The following OR3A2 variants were observed in gnomAD, a reference collection of about 807,000 sequenced individuals.
OR3A2 encodes the protein olfactory receptor family 3 subfamily A member 2.
For missense variants in OR3A2, 318 were observed against 392.8 expected, an observed-to-expected ratio of 0.81 and a Z score of 1.61; for synonymous variants, 126 against 159.3, an observed-to-expected ratio of 0.79 and a Z score of 1.57.
At chr17:3,340,465 G>A (rs1040958735) in intron 2 of OR3A2, among the ~76,000 whole-genome samples, 2 of 152,116 alleles carry the variant, frequency 1.3e-5, no homozygotes, top group Non-Finnish European at 2.9e-5. Context: ...CTGGTACGTT[G>A]TGTCTTTGTT....
chr17:3,318,122 C>T (rs2049092238), intron 3 of OR3A2, among the ~76,000 whole-genome samples: 1 of 152,192 alleles, frequency 6.6e-6, no homozygotes, highest in South Asian at 2.1e-4. Context: ...ACAGCCAGGG[C>T]TAGGATTGGG....
intron 2 of OR3A2, among the ~76,000 whole-genome samples, chr17:3,337,418 TC>T (rs2049281605): frequency 6.6e-6 from 1 of 151,954 alleles, no homozygotes; most frequent in Non-Finnish European, 1.5e-5. Context: ...ATGTCATCCC[TC>T]CCCCATCCCC....
chr17:3,286,159 T>G (rs1410225188), upstream of OR3A2, among the ~76,000 whole-genome samples: 1 of 152,040 alleles, frequency 6.6e-6, no homozygotes, highest in African/African-American at 2.4e-5. Flanking sequence ...AGTGAGAACA[T>G]GTGGTGTTTG....
chr17:3,373,571 T>C (rs2049652713), intron 2 of OR3A2, among the ~76,000 whole-genome samples: 1 of 152,238 alleles, frequency 6.6e-6, no homozygotes, highest in Non-Finnish European at 1.5e-5. Flanking sequence ...TTTTAACTGC[T>C]GTTGCTTTAA....
intron 3 of OR3A2, among the ~76,000 whole-genome samples, chr17:3,329,157 T>A (rs1257486429): frequency 6.6e-6 from 1 of 151,938 alleles, no homozygotes; most frequent in Non-Finnish European, 1.5e-5. Context: ...ATCAAGGATA[T>A]TGGTCTAAAA....
At chr17:3,320,718 G>A (rs1195771886) in intron 3 of OR3A2, among the ~76,000 whole-genome samples, 11 of 152,060 alleles carry the variant, frequency 7.2e-5, no homozygotes, top group East Asian at 1.9e-4. Context: ...TGAGGGCTCT[G>A]TTCTGTTCCA....
intron 2 of OR3A2, among the ~76,000 whole-genome samples, chr17:3,361,681 TTTTTG>T (rs2049518109): frequency 6.6e-6 from 1 of 151,724 alleles, no homozygotes; most frequent in Non-Finnish European, 1.5e-5. Flanking sequence ...AATCATGTGG[TTTTTG>T]TTTTTTGTTC....
chr17:3,374,697 G>T (rs376865958), intron 2 of OR3A2, among the ~76,000 whole-genome samples: 36 of 152,216 alleles, frequency 2.4e-4, no homozygotes, highest in African/African-American at 7.7e-4. Flanking sequence ...GGTCCTTCAA[G>T]ATTTTATTTA....
At chr17:3,384,847 C>A (rs2049765346) in intron 1 of OR3A2, among the ~76,000 whole-genome samples, 1 of 151,926 alleles carries the variant, frequency 6.6e-6, no homozygotes, top group Non-Finnish European at 1.5e-5. Context: ...GCAACAAGAC[C>A]ATATGGACCA....
chr17:3,363,108 A>C (rs1169097278), intron 2 of OR3A2, among the ~76,000 whole-genome samples: 2 of 151,636 alleles, frequency 1.3e-5, no homozygotes, highest in Admixed American at 6.6e-5. Flanking sequence ...CACTGGAGAC[A>C]TTTTCCCCAT....
In OR3A2 at chr17:3,379,524, T is replaced by C. The variant is rs575946763; in HGVS notation, c.-179+4280A>G. 4.6e-5 allele frequency among the ~76,000 whole-genome samples: 7 copies of C among 152,260 alleles called. No individual in the cohort carries two copies. In the East Asian group the frequency reaches 1.4e-3, roughly 29 times the overall value. Reference sequence around the variant, plus strand: ...ACCTACTGTCCTGGAGCAAATCTGCTGGCAATTCCAGCCCTTCCTCTCCTC... The same window carrying C: ...ACCTACTGTCCTGGAGCAAATCTGCCGGCAATTCCAGCCCTTCCTCTCCTC... On this transcript the variant is annotated intron_variant, in intron 2 of 4. Transcript: ENST00000573491.
chr17:3,293,413 C>T (rs1187822813), intron 3 of OR3A2, among the ~76,000 whole-genome samples: 1 of 152,092 alleles, frequency 6.6e-6, no homozygotes, highest in Non-Finnish European at 1.5e-5. Context: ...TCATTACACA[C>T]AAATAAAAGC....
At chr17:3,325,203 A>AC (rs774127365) in intron 3 of OR3A2, among the ~76,000 whole-genome samples, 4 of 108,592 alleles carry the variant, frequency 3.7e-5, no homozygotes, top group African/African-American at 1.5e-4. Flanking sequence ...GATCCTTCCA[A>AC]TTTTTTTTTT....
chr17:3,280,069 A>T (rs2048767388), intron 1 of OR3A2, among the ~76,000 whole-genome samples: 1 of 152,164 alleles, frequency 6.6e-6, no homozygotes, highest in African/African-American at 2.4e-5. Flanking sequence ...TGTGTGTATT[A>T]TCTGCTATTC....
At chr17:3,312,459 C>A (rs528623227) in intron 3 of OR3A2, among the ~76,000 whole-genome samples, 2 of 152,222 alleles carry the variant, frequency 1.3e-5, no homozygotes, top group East Asian at 3.9e-4. Context: ...TCATCAAACA[C>A]CTGTTCCCAA....
In OR3A2 at chr17:3,311,084, C is replaced by T. The variant is rs756564882; in HGVS notation, c.-85+24949G>A. 1.5e-5 allele frequency: 8 copies of T among 543,888 alleles called. No homozygotes were observed. The highest frequency in any genetic ancestry group is 2.8e-5 in the South Asian group (2 of 72,518). 33.7% of individuals were successfully genotyped at this position (543,888 alleles called of 1,614,324 possible). A position where few individuals can be genotyped will look rare whatever the true frequency, so the allele number is the denominator to read the frequency against. Reference sequence around the variant, plus strand: ...TGGTGGGCATCTTCTATGGGACGGGCGTCTTCAGCTACACAAGGCTGGGTT... The same window carrying T: ...TGGTGGGCATCTTCTATGGGACGGGTGTCTTCAGCTACACAAGGCTGGGTT... On this transcript the variant is annotated intron_variant, in intron 3 of 4. Transcript: ENST00000573491. This position sits in a 1 kb window ranked among gnomAD's most constrained non-coding sequence, Gnocchi z 4.6.
chr17:3,356,191 ACT>A (rs1327917716), intron 2 of OR3A2, among the ~76,000 whole-genome samples: 6 of 151,378 alleles, frequency 4.0e-5, no homozygotes, highest in Non-Finnish European at 5.9e-5. Flanking sequence ...GTCTTATTGC[ACT>A]GTGTTTAAAA....
intron 3 of OR3A2, among the ~76,000 whole-genome samples, chr17:3,318,952 A>AT (rs5818893): frequency 1.1e-4 from 17 of 151,830 alleles, no homozygotes; most frequent in East Asian, 3.9e-4. Flanking sequence ...TTTACTTTGC[A>AT]TTTTTTTTAA....
intron 3 of OR3A2, among the ~76,000 whole-genome samples, chr17:3,290,521 C>T (rs1020650377): frequency 6.6e-6 from 1 of 152,156 alleles, no homozygotes; most frequent in African/African-American, 2.4e-5. Flanking sequence ...ATCCCTCACC[C>T]CCATAAAATA....
Sources: gnomAD v4.1 joint callset for allele counts (sites outside exome capture counted in the v4.1 genomes callset) on GRCh38, gnomAD v4.1.1 for gene constraint, Gnocchi (gnomAD v3.1) non-coding constraint, MANE v1.5 for transcripts, NCBI Gene and HGNC (gene_info 2026-07-23, HGNC 2026-07-21) for gene names.